CNTN4: variants seen among roughly 807,000 people sequenced by gnomAD.
CNTN4 encodes the protein contactin 4.
CNTN4 carries 77 observed loss-of-function variants against 122.5 expected under a neutral mutation model. The observed-to-expected ratio is 0.63, with a 90% CI of 0.52 to 0.76. CNTN4 has a LOEUF of 0.76. Among genes scored for constraint, CNTN4 ranks in the 30% least tolerant of loss-of-function variants. The probability of loss-of-function intolerance (pLI) is 0.00; values close to 1 mark genes in which losing one functional copy is unlikely to be tolerated. For synonymous variants in CNTN4, 512 were observed against 447.0 expected (o/e 1.15, Z -1.83); for missense variants, 1,256 against 1,259.1 (o/e 1.00, Z 0.04).
At chr3:2,775,066 A>G (rs1332653165) in intron 6 of CNTN4, among the ~76,000 whole-genome samples, 1 of 152,230 alleles carries the variant, frequency 6.6e-6, no homozygotes, top group East Asian at 1.9e-4. Flanking sequence ...TGGGACAGTC[A>G]TGACTTTCCA....
intron 2 of CNTN4, among the ~76,000 whole-genome samples, chr3:2,172,290 G>GGCCA (rs2036551407): frequency 1.3e-5 from 2 of 152,040 alleles, no homozygotes; most frequent in Non-Finnish European, 2.9e-5. Flanking sequence ...TCTAAATGAA[G>GGCCA]TAACTCAGAA....
intron 20 of CNTN4, 36 bp downstream of exon 20, chr3:3,040,307 T>C (rs1700033566): frequency 6.8e-7 from 1 of 1,463,736 alleles, no homozygotes; most frequent in South Asian, 1.1e-5. Flanking sequence ...TGACTGTTAA[T>C]ATTTCTTCAA....
chr3:2,650,092 T>TAA (rs1553602539), intron 4 of CNTN4, among the ~76,000 whole-genome samples: 2 of 147,478 alleles, frequency 1.4e-5, no homozygotes, highest in African/African-American at 2.5e-5. Context: ...TATATATATA[T>TAA]AAAAGGGAAG....
chr3:2,666,854 C>G (rs113356016), intron 4 of CNTN4, among the ~76,000 whole-genome samples: 2,268 of 150,132 alleles, frequency 0.015, 64 homozygotes, highest in African/African-American at 0.052. Flanking sequence ...GGTTTTTTGT[C>G]TTTGTGATAG....
At chr3:2,861,705 A>AGTGT (rs147297697) in intron 7 of CNTN4, among the ~76,000 whole-genome samples, 1 of 151,874 alleles carries the variant, frequency 6.6e-6, no homozygotes, top group African/African-American at 2.4e-5. Flanking sequence ...AATAAATAAG[A>AGTGT]GTGTGTGTGT....
At chr3:2,571,861 G>A (rs1036033324) in intron 4 of CNTN4, among the ~76,000 whole-genome samples, 2 of 151,980 alleles carry the variant, frequency 1.3e-5, no homozygotes, top group South Asian at 2.1e-4. Context: ...CAGTTGCACA[G>A]AGATATTGGG....
At chr3:2,362,867 A>C (rs944880482) in intron 3 of CNTN4, 1 of 156,478 alleles carries the variant, frequency 6.4e-6, no homozygotes, top group Admixed American at 6.4e-5. Context: ...TACATACATA[A>C]ATAATGAAAA....
At chr3:2,661,515 A>T (rs1397120926) in intron 4 of CNTN4, among the ~76,000 whole-genome samples, 2 of 92,614 alleles carry the variant, frequency 2.2e-5, no homozygotes, top group Non-Finnish European at 4.3e-5. Flanking sequence ...ATTTTTGTTT[A>T]AAAAAAAAAA....
At chr3:2,207,199 A>G (rs1366457039) in intron 2 of CNTN4, among the ~76,000 whole-genome samples, 1 of 151,570 alleles carries the variant, frequency 6.6e-6, no homozygotes, top group Non-Finnish European at 1.5e-5. Flanking sequence ...CTCTCTTAGG[A>G]CCTCCCTATT....
chr3:2,639,246 A>G (rs772427244), intron 4 of CNTN4, among the ~76,000 whole-genome samples: 6 of 151,808 alleles, frequency 4.0e-5, no homozygotes, highest in South Asian at 2.1e-4. Context: ...CTCTCCTCCT[A>G]ATTCTATTCT....
At chr3:2,193,821 A>G (rs1470422160) in intron 2 of CNTN4, among the ~76,000 whole-genome samples, 1 of 152,196 alleles carries the variant, frequency 6.6e-6, no homozygotes, top group Non-Finnish European at 1.5e-5. Flanking sequence ...ATTGTGTTAC[A>G]GTTGCCCACA....
At chr3:2,504,769 C>T (rs2076689376) in intron 3 of CNTN4, among the ~76,000 whole-genome samples, 1 of 152,040 alleles carries the variant, frequency 6.6e-6, no homozygotes, top group Admixed American at 6.6e-5. Flanking sequence ...TAGTATTCTT[C>T]AAAACATTTG....
intron 2 of CNTN4, among the ~76,000 whole-genome samples, chr3:2,188,389 A>G (rs1282310354): frequency 1.3e-5 from 2 of 152,178 alleles, no homozygotes; most frequent in Non-Finnish European, 2.9e-5. Context: ...CCTTGCTGAA[A>G]ACAAATGCTT....
At chr3:2,878,202 C>G (rs763639605) in intron 8 of CNTN4, among the ~76,000 whole-genome samples, 3 of 152,086 alleles carry the variant, frequency 2.0e-5, no homozygotes, top group Non-Finnish European at 2.9e-5. Context: ...AAATATGGAT[C>G]ACTGTGTATC....
intron 2 of CNTN4, among the ~76,000 whole-genome samples, chr3:2,169,675 G>A (rs948502685): frequency 1.4e-4 from 21 of 152,122 alleles, no homozygotes; most frequent in African/African-American, 3.9e-4. Context: ...GGGATTACAG[G>A]CGTGAGCCAC....
At chr3:2,453,983 G>C (rs976420285) in intron 3 of CNTN4, among the ~76,000 whole-genome samples, 1 of 152,176 alleles carries the variant, frequency 6.6e-6, no homozygotes, top group South Asian at 2.1e-4. Context: ...ATATTGAAGT[G>C]ATTTCTGTGC....
intron 6 of CNTN4, among the ~76,000 whole-genome samples, chr3:2,755,007 G>A (rs1559468364): frequency 6.6e-6 from 1 of 152,142 alleles, no homozygotes. Context: ...TGGTGGTAGT[G>A]GTAGTGGTGG....
chr3:2,472,651 C>T (rs561289432), intron 3 of CNTN4, among the ~76,000 whole-genome samples: 1 of 152,194 alleles, frequency 6.6e-6, no homozygotes, highest in South Asian at 2.1e-4. Context: ...GAGGCAGAGG[C>T]AATGTAGGGC....
chr3:3,052,057 A>G (rs2125895287), intron 23 of CNTN4, among the ~76,000 whole-genome samples: 1 of 152,364 alleles, frequency 6.6e-6, no homozygotes, highest in East Asian at 1.9e-4. Flanking sequence ...CAAGTTCTCC[A>G]GGTGATTCTG....
Sources: allele counts gnomAD v4.1 joint callset (sites outside exome capture counted in the v4.1 genomes callset), GRCh38; gene constraint gnomAD v4.1.1; transcripts MANE v1.5; gene names NCBI Gene and HGNC (gene_info 2026-07-23, HGNC 2026-07-21).